Variants in MAMDC2 observed in about 807,000 individuals in gnomAD.
MAMDC2 encodes MAM domain containing 2.
A neutral mutation model predicts 89.8 loss-of-function variants in MAMDC2; 57 were observed. The ratio of observed to expected loss-of-function variants is 0.63; its 90% CI spans 0.51 to 0.79. The LOEUF (loss-of-function observed/expected upper bound fraction) is 0.79, where lower values mean the gene tolerates loss of function less well. MAMDC2 is among the 30% of genes least tolerant of loss of function. The probability of loss-of-function intolerance (pLI) is 0.00; values close to 1 mark genes in which losing one functional copy is unlikely to be tolerated. For synonymous variants in MAMDC2, 313 were observed against 293.4 expected (o/e 1.07, Z -0.68); for missense variants, 800 against 820.6 (o/e 0.97, Z 0.31).
chr9:70,147,917 C>T (rs2031459341), intron 9 of MAMDC2: 1 of 150,372 alleles, frequency 6.7e-6, no homozygotes, highest in Non-Finnish European at 1.5e-5. Flanking sequence ...GTCATCCTAT[C>T]CTTGGATGAG....
intron 11 of MAMDC2, among the ~76,000 whole-genome samples, chr9:70,175,397 A>G (rs570154106): frequency 1.3e-5 from 2 of 152,326 alleles, no homozygotes; most frequent in African/African-American, 4.8e-5. Context: ...AGAAAGAGCA[A>G]CGTTCTGAGT....
intron 11 of MAMDC2, among the ~76,000 whole-genome samples, chr9:70,179,358 C>CAA (rs1372409398): frequency 2.7e-5 from 4 of 150,394 alleles, no homozygotes; most frequent in Non-Finnish European, 4.4e-5. Context: ...TAAAAACACA[C>CAA]ACACACACAC....
chr9:70,175,475 T>C (rs1177015003), intron 11 of MAMDC2, among the ~76,000 whole-genome samples: 1 of 149,856 alleles, frequency 6.7e-6, no homozygotes, highest in African/African-American at 2.5e-5. Context: ...AGTGTAAGGG[T>C]AGTGATGCTA....
intron 9 of MAMDC2, among the ~76,000 whole-genome samples, chr9:70,144,411 C>A (rs1587510911): frequency 6.6e-6 from 1 of 152,214 alleles, no homozygotes; most frequent in African/African-American, 2.4e-5. Context: ...ATCTTTATTG[C>A]AAGGGGAATG....
Position 70,140,251 on chromosome 9 carries a change from A to G in MAMDC2, c.1101A>G (p.Pro367=), listed in dbSNP as rs1161499014. ...GPGWTRVKVK[P]NMYRAGDHTT... Reference sequence around the variant, plus strand: ...GTTGGACCCGAGTGAAAGTAAAACCAAACATGTATCGGGCTGGAGACCACA... The same window carrying G: ...GTTGGACCCGAGTGAAAGTAAAACCGAACATGTATCGGGCTGGAGACCACA... Residue 367 remains proline, a synonymous_variant, in exon 8 of 14, where the codon CCA becomes CCG. Coordinates refer to ENST00000377182, the MANE Select transcript of MAMDC2 (RefSeq NM_153267.5). 1.2e-6 allele frequency: 2 copies of G among 1,602,418 alleles called. No homozygotes were observed.
intron 2 of MAMDC2, among the ~76,000 whole-genome samples, chr9:70,051,140 C>T (rs1826884831): frequency 6.6e-6 from 1 of 152,156 alleles, no homozygotes; most frequent in African/African-American, 2.4e-5. Flanking sequence ...TGCTTGAGTT[C>T]TCTTGCCTGA....
intron 11 of MAMDC2, among the ~76,000 whole-genome samples, chr9:70,203,095 A>C (rs1408114064): frequency 1.3e-5 from 2 of 151,698 alleles, no homozygotes; most frequent in African/African-American, 4.8e-5. Context: ...TGATCCTGTC[A>C]TTATGATGTT....
intron 11 of MAMDC2, among the ~76,000 whole-genome samples, chr9:70,180,704 G>A (rs1023631204): frequency 6.6e-6 from 1 of 152,038 alleles, no homozygotes; most frequent in African/African-American, 2.4e-5. Context: ...ACTTTTTGAT[G>A]GGGGTTGGTT....
At chr9:70,170,195 G>T (rs555092755) in intron 10 of MAMDC2, 1 of 351,892 alleles carries the variant, frequency 2.8e-6, no homozygotes, top group East Asian at 4.4e-5. Flanking sequence ...TTTATAAAAA[G>T]AAATTCACAA....
intron 11 of MAMDC2, among the ~76,000 whole-genome samples, chr9:70,199,300 GT>G (rs2033046955): frequency 7.2e-6 from 1 of 138,592 alleles, no homozygotes; most frequent in African/African-American, 2.7e-5. Context: ...AATATGCGGT[GT>G]TTGGTTTTTT....
At chr9:70,152,521 A>AAGC (rs761691688) in intron 9 of MAMDC2, among the ~76,000 whole-genome samples, 37 of 152,252 alleles carry the variant, frequency 2.4e-4, no homozygotes, top group Non-Finnish European at 1.8e-4. Flanking sequence ...CTGAACTGAG[A>AAGC]AGCAGATCCA....
intron 9 of MAMDC2, among the ~76,000 whole-genome samples, chr9:70,164,879 A>T (rs2032113484): frequency 6.6e-6 from 1 of 151,526 alleles, no homozygotes; most frequent in Non-Finnish European, 1.5e-5. Flanking sequence ...GCCTCAAGTG[A>T]TCCTACTGTC....
At chr9:70,088,679 C>T (rs1162296783) in intron 2 of MAMDC2, 1 of 149,522 alleles carries the variant, frequency 6.7e-6, no homozygotes, top group African/African-American at 2.5e-5. Context: ...ACAACTACTC[C>T]CAAGTTCATG....
At chr9:70,073,489 T>C (rs1333033012) in intron 2 of MAMDC2, among the ~76,000 whole-genome samples, 1 of 152,220 alleles carries the variant, frequency 6.6e-6, no homozygotes, top group Non-Finnish European at 1.5e-5. Flanking sequence ...CAAATGTCAA[T>C]GTGATCTCTG....
chr9:70,144,714 C>T (rs1035143393), intron 9 of MAMDC2, among the ~76,000 whole-genome samples: 1 of 152,236 alleles, frequency 6.6e-6, no homozygotes, highest in Non-Finnish European at 1.5e-5. Flanking sequence ...GAGTCTATCA[C>T]ATTCAAATCC....
At chr9:70,096,563 C>A (rs1164313001) in intron 2 of MAMDC2, among the ~76,000 whole-genome samples, 1 of 152,166 alleles carries the variant, frequency 6.6e-6, no homozygotes, top group Non-Finnish European at 1.5e-5. Context: ...CACTGGCTAT[C>A]CCAAAGGCAA....
intron 2 of MAMDC2, among the ~76,000 whole-genome samples, chr9:70,106,638 C>T (rs1828349553): frequency 6.6e-6 from 1 of 152,198 alleles, no homozygotes. Flanking sequence ...CAGTGAGTGT[C>T]GCCTGTACGT....
intron 2 of MAMDC2, among the ~76,000 whole-genome samples, chr9:70,099,946 G>A (rs192735415): frequency 2.1e-4 from 31 of 151,164 alleles, no homozygotes; most frequent in Non-Finnish European, 3.7e-4. Context: ...CTGCACTCCC[G>A]TCTGGGTGAC....
intron 2 of MAMDC2, chr9:70,083,301 T>C (rs996336721): frequency 3.3e-5 from 5 of 152,188 alleles, no homozygotes; most frequent in Non-Finnish European, 5.9e-5. Context: ...TTACAGTGTA[T>C]ATCTATGGGA....
Sources: gnomAD v4.1 joint callset for allele counts (sites outside exome capture counted in the v4.1 genomes callset) on GRCh38, gnomAD v4.1.1 for gene constraint, MANE v1.5 for transcripts, NCBI Gene and HGNC (gene_info 2026-07-23, HGNC 2026-07-21) for gene names.